Variants in AGFG1 observed in about 807,000 individuals in gnomAD.
AGFG1 encodes arf-GAP domain and FG repeat-containing protein 1.
In AGFG1, 10 loss-of-function variants were observed where a neutral mutation model predicts 60.6. The ratio of observed to expected loss-of-function variants is 0.16; its 90% CI spans 0.10 to 0.28. The LOEUF (loss-of-function observed/expected upper bound fraction) is 0.28. Among genes scored for constraint, AGFG1 ranks in the 10% least tolerant of loss-of-function variants. The pLI is 1.00. For missense variants in AGFG1, 537 were observed against 676.5 expected (o/e 0.79, Z 2.29); for synonymous variants, 247 against 242.9 (o/e 1.02, Z -0.16).
At chr2:227,507,602 CAA>C (rs1162277041) in intron 2 of AGFG1, among the ~76,000 whole-genome samples, 182 of 61,552 alleles carry the variant, frequency 3.0e-3, no homozygotes, top group African/African-American at 1.0e-2. Flanking sequence ...GACTCTGTCT[CAA>C]AAAAAAAAAA....
At chr2:227,487,465 G>T (rs988906999) in intron 1 of AGFG1, among the ~76,000 whole-genome samples, 2 of 151,954 alleles carry the variant, frequency 1.3e-5, no homozygotes, top group Non-Finnish European at 2.9e-5. Context: ...AAGCACAATT[G>T]TAAGTGCATA....
chr2:227,514,291 A>C (rs944656776), intron 2 of AGFG1, among the ~76,000 whole-genome samples: 4 of 152,046 alleles, frequency 2.6e-5, no homozygotes, highest in Admixed American at 6.6e-5. Context: ...AGCTCACTGC[A>C]CCTTCTGCCT....
chr2:227,533,672 A>T lies in AGFG1; in HGVS notation c.938A>T (p.Lys313Ile), dbSNP rs1692225055. The change falls in exon 7 of 13, where the codon AAA (lysine) becomes ATA (isoleucine). Residue 313 changes from lysine to isoleucine, a missense_variant. Lys to Ile is a moderately radical substitution (Grantham distance 102). Coordinates refer to ENST00000310078, the MANE Select transcript of AGFG1 (RefSeq NM_004504.5). ...CATCAAACAGCATCAGCTGTTAGTA[A>T]AGTTTCAACGAACAAAGCTGGTTTA... ...QSHQTASAVS[K>I]VSTNKAGLQT... 9.3e-6 allele frequency: 15 copies of T among 1,613,764 alleles called. No individual in the cohort carries two copies. Among genetic ancestry groups the T allele is most frequent in the Non-Finnish European group, 1.3e-5 (15 of 1,179,844 alleles).
intron 2 of AGFG1, among the ~76,000 whole-genome samples, chr2:227,503,721 G>A (rs1691225264): frequency 6.6e-6 from 1 of 152,208 alleles, no homozygotes; most frequent in South Asian, 2.1e-4. Flanking sequence ...GTGGTGGAGA[G>A]TGAAAATGAC....
intron 11 of AGFG1, 118 bp from the exon 12 acceptor site, chr2:227,553,581 AACTTT>A: frequency 5.3e-6 from 4 of 756,130 alleles, no homozygotes; most frequent in Non-Finnish European, 6.6e-6. Context: ...CTAACAACTT[AACTTT>A]AACATTTTAT....
chr2:227,480,249 A>G (rs1490166867), intron 1 of AGFG1, among the ~76,000 whole-genome samples: 1 of 152,150 alleles, frequency 6.6e-6, no homozygotes, highest in African/African-American at 2.4e-5. Context: ...GCATTGGGAG[A>G]GGTAATACAT....
intron 2 of AGFG1, among the ~76,000 whole-genome samples, chr2:227,496,672 C>A (rs1338113586): frequency 6.6e-6 from 1 of 152,080 alleles, no homozygotes; most frequent in South Asian, 2.1e-4. Context: ...AACTATAATA[C>A]CTATGTATAA....
chr2:227,497,733 TTG>T (rs1491381814), intron 2 of AGFG1, among the ~76,000 whole-genome samples: 9,194 of 21,484 alleles, frequency 0.43, 2,134 homozygotes, highest in South Asian at 0.56. Context: ...CTTTCTTGTT[TTG>T]TTTTTTTTTT....
At chr2:227,542,079 C>T (rs1015659781) in intron 10 of AGFG1, among the ~76,000 whole-genome samples, 4 of 152,180 alleles carry the variant, frequency 2.6e-5, no homozygotes, top group Non-Finnish European at 4.4e-5. Flanking sequence ...AGGGGGTTTT[C>T]GAAATATACA....
intron 1 of AGFG1, among the ~76,000 whole-genome samples, chr2:227,479,659 T>C (rs1433708630): frequency 6.6e-6 from 1 of 152,186 alleles, no homozygotes; most frequent in East Asian, 1.9e-4. Context: ...CCCCCTCATT[T>C]TTTCCCCCAC....
At chr2:227,506,558 TAAAAA>T (rs5839223) in intron 2 of AGFG1, among the ~76,000 whole-genome samples, 2 of 106,306 alleles carry the variant, frequency 1.9e-5, no homozygotes, top group African/African-American at 3.7e-5. Context: ...TGATGTTCCT[TAAAAA>T]AAAAAAAAAA....
chr2:227,510,129 A>C (rs910428406), intron 2 of AGFG1, among the ~76,000 whole-genome samples: 2 of 152,180 alleles, frequency 1.3e-5, no homozygotes, highest in African/African-American at 2.4e-5. Context: ...TACAAAGTTC[A>C]TTCATAAATA....
In AGFG1 at chr2:227,535,148, T is replaced by C. The variant is rs1449263729; in HGVS notation, c.1205+123T>C. On this transcript the variant is annotated intron_variant, in intron 8 of 12. Transcript: ENST00000310078. ...AAAATTCTTGGATATTTTTGTAAATTTGAGGAATTTGAATTTAAATGCTAA... is the reference window on the plus strand; with the variant it reads ...AAAATTCTTGGATATTTTTGTAAATCTGAGGAATTTGAATTTAAATGCTAA... 4 of 1,087,762 alleles carry C rather than the reference T, an allele frequency of 3.7e-6. No individual in the cohort carries two copies. The African/African-American group carries it at 6.5e-5, about 18-fold the overall frequency. 67.4% of individuals were successfully genotyped at this position (1,087,762 alleles called of 1,614,324 possible).
intron 10 of AGFG1, 86 bp from the exon 11 acceptor site, chr2:227,551,873 A>G: frequency 6.7e-7 from 1 of 1,483,274 alleles, no homozygotes; most frequent in African/African-American, 1.4e-5. Context: ...TTTTCAAGGT[A>G]AATGATGTCT....
intron 3 of AGFG1, among the ~76,000 whole-genome samples, chr2:227,522,886 T>C (rs1691865138): frequency 6.6e-6 from 1 of 152,236 alleles, no homozygotes; most frequent in Non-Finnish European, 1.5e-5. Flanking sequence ...AATCATGTGT[T>C]TATATGACTG....
At chr2:227,491,505 T>G in intron 1 of AGFG1, 42 bp from the exon 2 acceptor site, 2 of 1,242,698 alleles carry the variant, frequency 1.6e-6, no homozygotes, top group Non-Finnish European at 2.2e-6. Context: ...TTTAAAAATG[T>G]GGTATGTACT....
chr2:227,490,192 A>G (rs1372063572), intron 1 of AGFG1, among the ~76,000 whole-genome samples: 1 of 152,140 alleles, frequency 6.6e-6, no homozygotes, highest in Non-Finnish European at 1.5e-5. Context: ...TTTTTTAAAA[A>G]CTTCTGGTAC....
At chr2:227,498,932 G>A (rs137937803) in intron 2 of AGFG1, among the ~76,000 whole-genome samples, 1 of 152,016 alleles carries the variant, frequency 6.6e-6, no homozygotes, top group African/African-American at 2.4e-5. Flanking sequence ...TACTTGACTC[G>A]AATTAAAACA....
At chr2:227,497,761 T>TTTTTTTTTTTTTTTTTTTTTG (rs546987888) in intron 2 of AGFG1, among the ~76,000 whole-genome samples, 1 of 65,160 alleles carries the variant, frequency 1.5e-5, no homozygotes, top group East Asian at 5.4e-4. Context: ...TTTTTTTTTT[T>TTTTTTTTTTTTTTTTTTTTTG]GGGGACGGAG....
Sources: allele counts gnomAD v4.1 joint callset (sites outside exome capture counted in the v4.1 genomes callset), GRCh38; gene constraint gnomAD v4.1.1; transcripts MANE v1.5; gene names NCBI Gene and HGNC (gene_info 2026-07-23, HGNC 2026-07-21).